Variants in PDE7B observed in about 807,000 individuals in gnomAD.
PDE7B encodes the protein 3',5'-cyclic-AMP phosphodiesterase 7B.
Under a neutral mutation model 56.2 loss-of-function variants are expected in PDE7B, and 29 were observed. The ratio of observed to expected loss-of-function variants is 0.52; its 90% CI spans 0.38 to 0.70. The LOEUF (loss-of-function observed/expected upper bound fraction) is 0.70, where lower values mean the gene tolerates loss of function less well. PDE7B is among the 30% of genes least tolerant of loss of function. PDE7B has a pLI of 0.00. For synonymous variants in PDE7B, 197 were observed against 196.9 expected (o/e 1.00, Z 0.00); for missense variants, 490 against 565.0 (o/e 0.87, Z 1.35).
At chr6:136,013,441 A>G (rs1775926128) in intron 2 of PDE7B, among the ~76,000 whole-genome samples, 1 of 152,228 alleles carries the variant, frequency 6.6e-6, no homozygotes, top group African/African-American at 2.4e-5. Context: ...AAAGTGTCAC[A>G]CTAAACTATG....
At chr6:136,179,672 A>G (rs1779032754) in intron 10 of PDE7B, among the ~76,000 whole-genome samples, 1 of 152,320 alleles carries the variant, frequency 6.6e-6, no homozygotes, top group East Asian at 1.9e-4. Context: ...CTGTTTCTGA[A>G]ACACAAAAGC....
intron 1 of PDE7B, among the ~76,000 whole-genome samples, chr6:135,906,595 C>T (rs1390294513): frequency 6.6e-6 from 1 of 152,078 alleles, no homozygotes; most frequent in Non-Finnish European, 1.5e-5. Flanking sequence ...CTAGAAATGT[C>T]TTCCCTATTT....
intron 2 of PDE7B, among the ~76,000 whole-genome samples, chr6:135,954,046 T>C (rs1337804935): frequency 6.6e-6 from 1 of 152,180 alleles, no homozygotes; most frequent in Non-Finnish European, 1.5e-5. Flanking sequence ...AACCTGGATA[T>C]TCTCAAGGGA....
chr6:135,984,192 G>C (rs1775341662), intron 2 of PDE7B, among the ~76,000 whole-genome samples: 1 of 152,324 alleles, frequency 6.6e-6, no homozygotes, highest in South Asian at 2.1e-4. Context: ...AAAACAGTCA[G>C]CTTGAGGTTA....
At chr6:136,151,402 T>C (rs1180830089) in intron 6 of PDE7B, 147 bp downstream of exon 6, 5 of 549,212 alleles carry the variant, frequency 9.1e-6, no homozygotes, top group Non-Finnish European at 1.6e-5. Context: ...TTTTAAAATA[T>C]GGCTTGTTCA....
intron 1 of PDE7B, among the ~76,000 whole-genome samples, chr6:135,887,436 T>A (rs553665233): frequency 6.6e-6 from 1 of 152,230 alleles, no homozygotes; most frequent in East Asian, 1.9e-4. Context: ...CCTGTAACCC[T>A]ACCAGAAAAA....
At chr6:135,893,670 C>A (rs1385757245) in intron 1 of PDE7B, among the ~76,000 whole-genome samples, 1 of 152,098 alleles carries the variant, frequency 6.6e-6, no homozygotes, top group Non-Finnish European at 1.5e-5. Context: ...TGGGTATATA[C>A]CCAAAGGACT....
At chr6:135,861,463 TGTCAA>T (rs1366648168) in intron 1 of PDE7B, among the ~76,000 whole-genome samples, 1 of 150,916 alleles carries the variant, frequency 6.6e-6, no homozygotes, top group Non-Finnish European at 1.5e-5. Flanking sequence ...ATATCTTTTT[TGTCAA>T]GTCTCTGATC....
At chr6:136,158,476 T>A (rs1182490416) in intron 8 of PDE7B, among the ~76,000 whole-genome samples, 1 of 152,214 alleles carries the variant, frequency 6.6e-6, no homozygotes, top group Non-Finnish European at 1.5e-5. Context: ...TTTGCCACAA[T>A]CCAGACTTAC....
rs556325543 is a variant in PDE7B at position 135,876,713 on chromosome 6, G to T, written c.21+24694G>T. On this transcript the variant is annotated intron_variant, in intron 1 of 12. Coordinates refer to ENST00000308191, the MANE Select transcript of PDE7B (RefSeq NM_018945.4). ...TCTCTACTAAAAATACAAAAAATTA[G>T]CTGGTCATGGTGGTGGGCACCTGTA... Among the ~76,000 whole-genome samples, 3 of 152,228 alleles carry T rather than the reference G, an allele frequency of 2.0e-5. No individual in the cohort carries two copies. The East Asian group carries it at 5.8e-4, about 29-fold the overall frequency.
intron 7 of PDE7B, 93 bp downstream of exon 7, chr6:136,154,268 T>C: frequency 1.4e-6 from 1 of 697,144 alleles, no homozygotes; most frequent in Non-Finnish European, 2.6e-6. Context: ...TGAGTAACTA[T>C]GTTATGTGTC....
At chr6:136,152,790 C>T (rs1455784530) in intron 6 of PDE7B, among the ~76,000 whole-genome samples, 4 of 152,148 alleles carry the variant, frequency 2.6e-5, no homozygotes, top group Non-Finnish European at 5.9e-5. Flanking sequence ...AAATAACAGG[C>T]GTGACAATAA....
At chr6:136,126,957 T>A (rs1778032362) in intron 3 of PDE7B, among the ~76,000 whole-genome samples, 2 of 152,110 alleles carry the variant, frequency 1.3e-5, no homozygotes, top group African/African-American at 2.4e-5. Context: ...GAAATAAAAA[T>A]TTTTTTAAAA....
intron 2 of PDE7B, among the ~76,000 whole-genome samples, chr6:136,092,969 T>G (rs1482848184): frequency 6.6e-6 from 1 of 152,220 alleles, no homozygotes; most frequent in Admixed American, 6.5e-5. Context: ...AAGATTTCTA[T>G]GTGAGGTGAT....
chr6:135,865,670 G>C (rs943023887), intron 1 of PDE7B, among the ~76,000 whole-genome samples: 2 of 151,696 alleles, frequency 1.3e-5, no homozygotes, highest in East Asian at 1.9e-4. Flanking sequence ...GAGAGAGAGA[G>C]AGAGACAGAG....
intron 11 of PDE7B, 115 bp downstream of exon 11, chr6:136,181,438 G>T: frequency 1.4e-6 from 1 of 706,532 alleles, no homozygotes; most frequent in Non-Finnish European, 2.5e-6. Flanking sequence ...ATCAACTCTT[G>T]TTATCCTAAC....
intron 1 of PDE7B, among the ~76,000 whole-genome samples, chr6:135,891,057 T>C (rs1371637217): frequency 6.6e-6 from 1 of 152,222 alleles, no homozygotes; most frequent in Non-Finnish European, 1.5e-5. Flanking sequence ...TACATACGCA[T>C]CTTAAACATG....
intron 2 of PDE7B, among the ~76,000 whole-genome samples, chr6:135,960,326 C>T (rs1290730813): frequency 6.6e-6 from 1 of 152,064 alleles, no homozygotes; most frequent in African/African-American, 2.4e-5. Context: ...CATGTGACTG[C>T]CATGTTTATT....
chr6:135,927,453 A>G (rs1774212564), intron 1 of PDE7B, among the ~76,000 whole-genome samples: 1 of 152,168 alleles, frequency 6.6e-6, no homozygotes, highest in Non-Finnish European at 1.5e-5. Context: ...TAGGAATAGC[A>G]TTGAATCTAT....
Sources: gnomAD v4.1 joint callset for allele counts (sites outside exome capture counted in the v4.1 genomes callset) on GRCh38, gnomAD v4.1.1 for gene constraint, MANE v1.5 for transcripts, NCBI Gene and HGNC (gene_info 2026-07-23, HGNC 2026-07-21) for gene names.